The following CDH12 variants were observed in gnomAD, a reference collection of about 807,000 sequenced individuals.
The protein encoded by CDH12 is cadherin-12.
CDH12 carries 41 observed loss-of-function variants against 74.1 expected under a neutral mutation model. The ratio of observed to expected loss-of-function variants is 0.55; its 90% CI spans 0.43 to 0.72. The LOEUF is 0.72. Among genes scored for constraint, CDH12 ranks in the 30% least tolerant of loss-of-function variants. The pLI is 0.00. For missense variants in CDH12, 945 were observed against 977.2 expected, an observed-to-expected ratio of 0.97 and a Z score of 0.44; for synonymous variants, 399 against 355.0, an observed-to-expected ratio of 1.12 and a Z score of -1.39.
intron 3 of CDH12, among the ~76,000 whole-genome samples, chr5:22,328,217 T>G (rs1183863733): frequency 6.6e-6 from 1 of 152,218 alleles, no homozygotes; most frequent in Non-Finnish European, 1.5e-5. Flanking sequence ...AAATCAGTTT[T>G]TTAAAAAAAT....
At chr5:21,801,751 G>A (rs1266193492) in intron 10 of CDH12, among the ~76,000 whole-genome samples, 1 of 152,116 alleles carries the variant, frequency 6.6e-6, no homozygotes, top group Non-Finnish European at 1.5e-5. Flanking sequence ...CACTAACTTT[G>A]GGTAAGGGGT....
intron 1 of CDH12, among the ~76,000 whole-genome samples, chr5:22,651,671 A>T (rs1451416687): frequency 2.0e-5 from 3 of 151,580 alleles, no homozygotes; most frequent in Non-Finnish European, 4.4e-5. Context: ...GCCTAACCAT[A>T]TCAGCTAAGG....
At chr5:22,598,858 TC>T (rs1479719644) in intron 1 of CDH12, among the ~76,000 whole-genome samples, 1 of 152,126 alleles carries the variant, frequency 6.6e-6, no homozygotes, top group African/African-American at 2.4e-5. Context: ...TCCTTGTATC[TC>T]CCAAAATAAG....
intron 3 of CDH12, among the ~76,000 whole-genome samples, chr5:22,325,235 T>C (rs1739035894): frequency 6.6e-6 from 1 of 152,200 alleles, no homozygotes; most frequent in Admixed American, 6.5e-5. Flanking sequence ...ACAAGCTTCC[T>C]TTGATTACAC....
rs554432393 is a variant in CDH12 at position 22,216,624 on chromosome 5, C to T, written c.-332-3981G>A. On this transcript the variant is annotated intron_variant, in intron 3 of 14. Coordinates refer to ENST00000382254, the MANE Select transcript of CDH12 (RefSeq NM_004061.5). ...CTATCACACAGAGGTTTGCTGAATG[C>T]TAACAGATTCTCATGTATTATACAT... is the stretch of plus-strand genomic sequence containing the variant. Among the ~76,000 whole-genome samples, 4 of 151,860 alleles carry T rather than the reference C, an allele frequency of 2.6e-5. No individual in the cohort carries two copies. In the South Asian group the frequency reaches 6.2e-4, roughly 24 times the overall value.
intron 4 of CDH12, among the ~76,000 whole-genome samples, chr5:22,126,664 G>A (rs916188284): frequency 3.3e-5 from 5 of 152,096 alleles, no homozygotes; most frequent in Admixed American, 3.3e-4. Flanking sequence ...CTTCCAGAAT[G>A]CATCCTATTC....
At chr5:22,632,839 T>A (rs918595715) in intron 1 of CDH12, among the ~76,000 whole-genome samples, 1 of 150,294 alleles carries the variant, frequency 6.7e-6, no homozygotes, top group East Asian at 2.0e-4. Context: ...CAAAATAGGA[T>A]AAACTCAAAG....
At chr5:22,713,076 G>C (rs893879202) in intron 1 of CDH12, among the ~76,000 whole-genome samples, 1 of 148,636 alleles carries the variant, frequency 6.7e-6, no homozygotes, top group Non-Finnish European at 1.5e-5. Context: ...TTCAGAGATA[G>C]ACTGGATTAA....
At chr5:22,232,871 A>T (rs1027544074) in intron 3 of CDH12, among the ~76,000 whole-genome samples, 12 of 144,788 alleles carry the variant, frequency 8.3e-5, no homozygotes, top group African/African-American at 1.3e-4. Flanking sequence ...ATTTATATAT[A>T]TATTTTTTCT....
intron 1 of CDH12, among the ~76,000 whole-genome samples, chr5:22,563,961 AT>A (rs1035703656): frequency 6.6e-6 from 1 of 152,124 alleles, no homozygotes; most frequent in African/African-American, 2.4e-5. Flanking sequence ...CCCACAACAC[AT>A]GGGAATTATG....
intron 10 of CDH12, among the ~76,000 whole-genome samples, chr5:21,791,225 A>G (rs1746480248): frequency 6.6e-6 from 1 of 152,056 alleles, no homozygotes; most frequent in African/African-American, 2.4e-5. Context: ...CTAAAGCACA[A>G]ATATTTTCTA....
At chr5:22,042,901 A>G (rs1235167954) in intron 5 of CDH12, among the ~76,000 whole-genome samples, 2 of 151,448 alleles carry the variant, frequency 1.3e-5, no homozygotes, top group Non-Finnish European at 2.9e-5. Flanking sequence ...AAAAAAAAAA[A>G]AAAAAAAAAA....
intron 6 of CDH12, among the ~76,000 whole-genome samples, chr5:21,972,512 T>C (rs1292706654): frequency 2.0e-5 from 3 of 152,174 alleles, no homozygotes; most frequent in Admixed American, 2.0e-4. Context: ...TAATGTTTTC[T>C]TAGATTATTA....
chr5:22,123,705 C>T (rs565407909), intron 4 of CDH12, among the ~76,000 whole-genome samples: 55 of 152,048 alleles, frequency 3.6e-4, no homozygotes, highest in African/African-American at 1.2e-3. Context: ...CTGTCCTACG[C>T]GATTTTGCAG....
intron 4 of CDH12, among the ~76,000 whole-genome samples, chr5:22,185,728 A>C (rs980656952): frequency 1.3e-5 from 2 of 152,212 alleles, no homozygotes; most frequent in Non-Finnish European, 2.9e-5. Context: ...TAAATTTTCT[A>C]TTGTGGTAGG....
rs543440363 is a variant in CDH12 at position 21,864,023 on chromosome 5, A to G, written c.527-9233T>C. Among the ~76,000 whole-genome samples the G allele has an allele frequency of 8.1e-4, 123 of 152,330 alleles. 1 individual carries two copies. Among genetic ancestry groups the G allele is most frequent in the Non-Finnish European group, 1.5e-3 (101 of 68,026 alleles). On this transcript the variant is annotated intron_variant, in intron 6 of 14. Transcript: ENST00000382254. ...ATACTAAAGTTGCTTTCAAAATAAA[A>G]ATGCAAAAGAAAATTGAAATTTATT...
At chr5:22,458,562 G>C (rs780461523) in intron 2 of CDH12, among the ~76,000 whole-genome samples, 1 of 152,148 alleles carries the variant, frequency 6.6e-6, no homozygotes. Context: ...TTAGCTGAAA[G>C]GCCAACAATT....
intron 1 of CDH12, among the ~76,000 whole-genome samples, chr5:22,815,466 A>T (rs770006329): frequency 3.5e-4 from 53 of 152,134 alleles, no homozygotes; most frequent in Middle Eastern, 3.4e-3. Flanking sequence ...AAATGGAGAG[A>T]TCTATAGAAA....
intron 5 of CDH12, among the ~76,000 whole-genome samples, chr5:22,032,707 C>CA (rs374314576): frequency 0.28 from 36,133 of 127,652 alleles, 4,970 homozygotes; most frequent in African/African-American, 0.39. Context: ...GATTCCATCT[C>CA]AAAAAAAAAA....
Sources: allele counts gnomAD v4.1 joint callset (sites outside exome capture counted in the v4.1 genomes callset), GRCh38; gene constraint gnomAD v4.1.1; transcripts MANE v1.5; gene names NCBI Gene and HGNC (gene_info 2026-07-23, HGNC 2026-07-21).